The following DCTN4 variants were observed in gnomAD, a reference collection of about 807,000 sequenced individuals.
The protein encoded by DCTN4 is dynactin subunit 4.
Under a neutral mutation model 62.7 loss-of-function variants are expected in DCTN4, and 23 were observed. The ratio of observed to expected loss-of-function variants is 0.37; its 90% CI spans 0.26 to 0.52. The LOEUF (loss-of-function observed/expected upper bound fraction) is 0.52, where lower values mean the gene tolerates loss of function less well. Among genes scored for constraint, DCTN4 ranks in the 20% least tolerant of loss-of-function variants. The pLI is 0.92. For synonymous variants in DCTN4, 199 were observed against 202.1 expected (o/e 0.98, Z 0.13); for missense variants, 514 against 580.4 (o/e 0.89, Z 1.18).
chr5:150,757,340 C>G (rs781380332), intron 1 of DCTN4, among the ~76,000 whole-genome samples: 1 of 152,078 alleles, frequency 6.6e-6, no homozygotes, highest in Non-Finnish European at 1.5e-5. Flanking sequence ...TTCCTTTTTG[C>G]CCCCTTTCCA....
intron 4 of DCTN4, chr5:150,734,520 T>TA (rs1481681622): frequency 6.6e-6 from 1 of 152,352 alleles, no homozygotes; most frequent in East Asian, 1.9e-4. Flanking sequence ...TTTCTGACTT[T>TA]AATCTCACAG....
At chr5:150,714,461 C>T (rs966806693) in intron 12 of DCTN4, among the ~76,000 whole-genome samples, 42 of 152,224 alleles carry the variant, frequency 2.8e-4, no homozygotes, top group African/African-American at 1.0e-3. Flanking sequence ...ACTGCAGCCT[C>T]AGCCTACCGG....
chr5:150,752,191 C>G (rs1212731359), intron 3 of DCTN4, among the ~76,000 whole-genome samples: 1 of 152,034 alleles, frequency 6.6e-6, no homozygotes, highest in Non-Finnish European at 1.5e-5. Flanking sequence ...CTTTGGATCA[C>G]TTAAATCAAA....
chr5:150,738,941 C>G (rs1446459062), intron 4 of DCTN4, among the ~76,000 whole-genome samples: 1 of 152,050 alleles, frequency 6.6e-6, no homozygotes, highest in Non-Finnish European at 1.5e-5. Flanking sequence ...TGCCTGTAAC[C>G]CGAACACTTT....
chr5:150,730,852 A>C (rs1259973430), intron 7 of DCTN4, 112 bp from the exon 8 acceptor site: 2 of 945,896 alleles, frequency 2.1e-6, no homozygotes, highest in Non-Finnish European at 3.3e-6. Flanking sequence ...TGTTGTTCAT[A>C]AAAATGAAAA....
intron 8 of DCTN4, among the ~76,000 whole-genome samples, chr5:150,727,305 T>TG (rs1760181666): frequency 6.6e-6 from 1 of 152,232 alleles, no homozygotes; most frequent in African/African-American, 2.4e-5. Flanking sequence ...GATTAGCTCT[T>TG]GCCTTTAATT....
At chr5:150,742,082 T>G in intron 4 of DCTN4, 32 bp downstream of exon 4, 1 of 1,609,750 alleles carries the variant, frequency 6.2e-7, no homozygotes, top group Non-Finnish European at 8.5e-7. Context: ...TTTTCCGATT[T>G]CATCCTCTCT....
At chr5:150,723,046 G>A in intron 8 of DCTN4, 66 bp from the exon 9 acceptor site, 1 of 1,174,242 alleles carries the variant, frequency 8.5e-7, no homozygotes, top group South Asian at 1.3e-5. Flanking sequence ...CCATAGAGCT[G>A]CTAAATTCAG....
At chr5:150,726,909 C>T (rs763261072) in intron 8 of DCTN4, among the ~76,000 whole-genome samples, 2 of 152,126 alleles carry the variant, frequency 1.3e-5, no homozygotes, top group Non-Finnish European at 2.9e-5. Flanking sequence ...AAAACAATTA[C>T]TTTTTGAAGT....
intron 10 of DCTN4, 72 bp downstream of exon 10, chr5:150,719,644 G>T: frequency 9.1e-7 from 1 of 1,093,082 alleles, no homozygotes; most frequent in Non-Finnish European, 1.4e-6. Context: ...TACACACACA[G>T]CCACCCACAT....
At chr5:150,749,155 A>G (rs1752576893) in intron 3 of DCTN4, among the ~76,000 whole-genome samples, 1 of 152,200 alleles carries the variant, frequency 6.6e-6, no homozygotes, top group Non-Finnish European at 1.5e-5. Flanking sequence ...CACACTGCTG[A>G]GAAAAGGAAA....
At chr5:150,745,112 GA>G (rs1291176841) in intron 3 of DCTN4, among the ~76,000 whole-genome samples, 1 of 149,534 alleles carries the variant, frequency 6.7e-6, no homozygotes, top group Non-Finnish European at 1.5e-5. Flanking sequence ...CAAGCAAATG[GA>G]AAACAAAAAA....
intron 3 of DCTN4, among the ~76,000 whole-genome samples, chr5:150,751,404 C>T (rs567387740): frequency 6.6e-6 from 1 of 151,940 alleles, no homozygotes; most frequent in Admixed American, 6.6e-5. Context: ...ACTCATAAAC[C>T]AAAAAGCATA....
In DCTN4 at chr5:150,733,427, C is replaced by T; in HGVS notation, c.478G>A (p.Val160Ile). ...YYQQLAQKEK[V>I]ERDRKKLARR... ...GCCAGTTTCTTGCGATCTCGCTCAA[C>T]CTTCTCTTTCTGAGCAAGCTGCTGG... Residue 160 changes from valine (V) to isoleucine (I), a missense_variant, in exon 5 of 13, where the codon GTT becomes ATT. Physicochemically the swap from Val to Ile is conservative, Grantham distance 29. Coordinates refer to ENST00000447998, the MANE Select transcript of DCTN4 (RefSeq NM_016221.4). 6.2e-7 allele frequency: 1 copy of T among 1,614,106 alleles called. No homozygotes were observed. The highest frequency in any genetic ancestry group is 8.5e-7 in the Non-Finnish European group (1 of 1,180,010).
chr5:150,738,992 G>A (rs1416473109), intron 4 of DCTN4, among the ~76,000 whole-genome samples: 1 of 152,046 alleles, frequency 6.6e-6, no homozygotes, highest in Non-Finnish European at 1.5e-5. Flanking sequence ...TCAGGAGCTC[G>A]AGACCAGCCT....
At position 150,758,985 on chromosome 5, in the gene DCTN4, G is replaced by C. The variant is rs758975463; in HGVS notation, c.9C>G (p.Ser3=). 5.5e-5 allele frequency: 88 copies of C among 1,613,868 alleles called. No homozygotes were observed. Among genetic ancestry groups the C allele is most frequent in the Non-Finnish European group, 7.2e-5 (85 of 1,179,868 alleles). Reference sequence around the variant, plus strand: ...AGAGAACCCGGTCCGACTGCAGCAAGGACGCCATCTTGGGGAGGGAGGAGG... The same window carrying C: ...AGAGAACCCGGTCCGACTGCAGCAACGACGCCATCTTGGGGAGGGAGGAGG... MA[S]LLQSDRVLYL... The change falls in exon 1 of 13, where the codon TCC becomes TCG. Residue 3 remains serine (S), a synonymous_variant. Transcript: ENST00000447998.
At position 150,736,949 on chromosome 5, in the gene DCTN4, G is replaced by A. The variant is rs191419292; in HGVS notation, c.430-3474C>T. Among the ~76,000 whole-genome samples, 841 of 152,214 alleles carry A rather than the reference G, an allele frequency of 5.5e-3. 7 individuals carry two copies. Among genetic ancestry groups the A allele is most frequent in the African/African-American group, 0.02 (817 of 41,532 alleles). On this transcript the variant is annotated intron_variant, in intron 4 of 12. Transcript: ENST00000447998. The stretch of plus-strand genomic sequence containing the variant: ...TATTCCATGCAAATGGACACCAAAA[G>A]TGAGCAGGAGTAGCTATTCTTATAT...
chr5:150,751,110 A>G (rs1247918758), intron 3 of DCTN4, among the ~76,000 whole-genome samples: 1 of 152,164 alleles, frequency 6.6e-6, no homozygotes, highest in Non-Finnish European at 1.5e-5. Context: ...CTTCTTTTGA[A>G]CTGGTAATTT....
At chr5:150,728,786 T>C (rs757278441) in intron 8 of DCTN4, among the ~76,000 whole-genome samples, 1 of 152,166 alleles carries the variant, frequency 6.6e-6, no homozygotes, top group Non-Finnish European at 1.5e-5. Context: ...AGACTGACAA[T>C]GTTTGTCTTT....
Sources: allele counts gnomAD v4.1 joint callset (sites outside exome capture counted in the v4.1 genomes callset), GRCh38; gene constraint gnomAD v4.1.1; transcripts MANE v1.5; gene names NCBI Gene and HGNC (gene_info 2026-07-23, HGNC 2026-07-21).